Variants in TIMD4 observed in about 807,000 individuals in gnomAD.
TIMD4 encodes the protein T cell immunoglobulin and mucin domain containing 4.
In TIMD4, 31 loss-of-function variants were observed where a neutral mutation model predicts 41.2. That is an observed-to-expected ratio of 0.75 (90% confidence interval 0.57 to 1.01). The LOEUF (loss-of-function observed/expected upper bound fraction) is 1.01, where lower values mean the gene tolerates loss of function less well. Among genes scored for constraint, TIMD4 ranks in the 50% least tolerant of loss-of-function variants. The pLI is 0.00. For missense variants in TIMD4, 479 were observed against 472.5 expected (o/e 1.01, Z -0.13); for synonymous variants, 204 against 177.1 (o/e 1.15, Z -1.21).
chr5:156,944,073 AG>A (rs201205892), intron 5 of TIMD4, among the ~76,000 whole-genome samples: 2,141 of 148,972 alleles, frequency 0.014, 19 homozygotes, highest in African/African-American at 0.029. Flanking sequence ...AAAAAAAAAA[AG>A]AAATAAAGAA....
intron 5 of TIMD4, among the ~76,000 whole-genome samples, chr5:156,944,881 T>C (rs377527083): frequency 7.0e-4 from 107 of 152,224 alleles, no homozygotes; most frequent in African/African-American, 2.4e-3. Flanking sequence ...TCACTCTACA[T>C]CTCTGAGCTC....
chr5:156,927,393 G>A (rs1485014812), intron 5 of TIMD4, among the ~76,000 whole-genome samples: 2 of 152,234 alleles, frequency 1.3e-5, no homozygotes, highest in Non-Finnish European at 2.9e-5. Flanking sequence ...TGGTGCCCAT[G>A]TCAGATGGCA....
At position 156,919,506 on chromosome 5, in the gene TIMD4, T is replaced by C. The variant is rs761157093; in HGVS notation, c.1088A>G (p.Asn363Ser). Residue 363 changes from asparagine to serine, a missense_variant, in exon 9 of 9, where the codon AAT (asparagine) becomes AGT (serine). Physicochemically the swap from Asn to Ser is conservative, Grantham distance 46 (BLOSUM62 1). Transcript: ENST00000274532. ...GTCTTCCCTTCCATGCTGCACGTCATTGAGGACATTTTTACTATCTCCAAT... is the reference window on the plus strand; with the variant it reads ...GTCTTCCCTTCCATGCTGCACGTCACTGAGGACATTTTTACTATCTCCAAT... ...DYIGDSKNVL[N>S]DVQHGREDED... is the part of the protein sequence containing the mutation. The C allele has an allele frequency of 2.5e-6, 4 of 1,614,060 alleles. No homozygotes were observed. The highest frequency in any genetic ancestry group is 1.3e-5 in the African/African-American group (1 of 75,052).
chr5:156,929,297 G>A (rs143057342), intron 5 of TIMD4, among the ~76,000 whole-genome samples: 3 of 152,310 alleles, frequency 2.0e-5, no homozygotes, highest in African/African-American at 7.2e-5. Flanking sequence ...GACAAAGGCA[G>A]GAGCCTCCCA....
chr5:156,951,914 T>C (rs1342653722), intron 2 of TIMD4, 124 bp from the exon 3 acceptor site: 1 of 1,296,128 alleles, frequency 7.7e-7, no homozygotes, highest in Non-Finnish European at 1.1e-6. Flanking sequence ...TGGACGATTG[T>C]AATGCCCAAT....
intron 5 of TIMD4, among the ~76,000 whole-genome samples, chr5:156,936,516 T>C (rs1388329090): frequency 6.6e-6 from 1 of 152,004 alleles, no homozygotes; most frequent in South Asian, 2.1e-4. Flanking sequence ...AGTTGCATAG[T>C]AGGAAGGGAC....
chr5:156,929,877 G>A (rs570413063), intron 5 of TIMD4, among the ~76,000 whole-genome samples: 1 of 152,312 alleles, frequency 6.6e-6, no homozygotes, highest in African/African-American at 2.4e-5. Flanking sequence ...GCTGAGCACA[G>A]GTAAGAAGAC....
At position 156,954,439 on chromosome 5, in the gene TIMD4, T is replaced by C; in HGVS notation, c.376A>G (p.Asn126Asp). The part of the protein sequence containing the change: ...VPGWFNDVKI[N>D]VRLNLQRAST... Reference sequence around the variant, plus strand: ...CCTCTCTGTAGATTCAGGCGCACGTTTATCTTTACATCGTTGAACCAGCCA... The same window carrying C: ...CCTCTCTGTAGATTCAGGCGCACGTCTATCTTTACATCGTTGAACCAGCCA... The change falls in exon 2 of 9, where the codon AAC (asparagine) becomes GAC (aspartate). Residue 126 changes from asparagine (N) to aspartate (D), a missense_variant. Asn to Asp is a conservative substitution (Grantham distance 23). Coordinates refer to ENST00000274532, the MANE Select transcript of TIMD4 (RefSeq NM_138379.3). The C allele has an allele frequency of 3.1e-6, 5 of 1,614,084 alleles. No individual in the cohort carries two copies. The highest frequency in any genetic ancestry group is 4.2e-6 in the Non-Finnish European group (5 of 1,179,978).
chr5:156,958,305 GAAGGAAAGGA>G (rs66575156), intron 1 of TIMD4, among the ~76,000 whole-genome samples: 3,404 of 83,218 alleles, frequency 0.041, 67 homozygotes, highest in Middle Eastern at 0.063. Context: ...AAGAAAGAAA[GAAGGAAAGGA>G]AAGGAAAGGA....
chr5:156,919,706 G>A (rs575737915), intron 8 of TIMD4, among the ~76,000 whole-genome samples, 165 bp from the exon 9 acceptor site: 3 of 152,186 alleles, frequency 2.0e-5, no homozygotes, highest in African/African-American at 7.2e-5. Flanking sequence ...AGGCTGCAGG[G>A]GAAAAAGAGT....
chr5:156,931,199 A>C (rs1047364932), intron 5 of TIMD4, among the ~76,000 whole-genome samples: 5 of 152,240 alleles, frequency 3.3e-5, no homozygotes, highest in African/African-American at 1.2e-4. Context: ...TCCAGTATGA[A>C]TATAGCCCTG....
intron 3 of TIMD4, 83 bp downstream of exon 3, chr5:156,951,429 C>A: frequency 1.3e-6 from 2 of 1,536,912 alleles, no homozygotes; most frequent in East Asian, 2.3e-5. Flanking sequence ...CACTCACACA[C>A]ACACTGAGAG....
In TIMD4 at chr5:156,922,190, C is replaced by A; in HGVS notation, c.921G>T (p.Lys307Asn). ...GTAGTTGGGAGATGGGCATTTCATTCTTCATTGACATGGGTATTCCATCCA... is the reference window on the plus strand; with the variant it reads ...GTAGTTGGGAGATGGGCATTTCATTATTCATTGACATGGGTATTCCATCCA... ...GQMDGIPMSM[K>N]NEMPISQLLM... is the part of the protein sequence containing the mutation. The change falls in exon 7 of 9, where the codon AAG becomes AAT. Residue 307 changes from lysine (K) to asparagine (N), a missense_variant. Physicochemically the swap from Lys to Asn is moderately conservative, Grantham distance 94 (BLOSUM62 0). Transcript: ENST00000274532. 1.9e-6 allele frequency: 3 copies of A among 1,613,944 alleles called. No homozygotes were observed. The highest frequency in any genetic ancestry group is 2.5e-6 in the Non-Finnish European group (3 of 1,179,884).
chr5:156,919,625 A>G, intron 8 of TIMD4, 84 bp from the exon 9 acceptor site: 1 of 1,121,888 alleles, frequency 8.9e-7, no homozygotes, highest in East Asian at 2.4e-5. Flanking sequence ...TTACAGTGCA[A>G]TTACCCTTAA....
At chr5:156,958,763 C>G (rs866492762) in intron 1 of TIMD4, among the ~76,000 whole-genome samples, 1 of 152,134 alleles carries the variant, frequency 6.6e-6, no homozygotes, top group Non-Finnish European at 1.5e-5. Context: ...TTTATTGCAG[C>G]CTCCATGTAT....
chr5:156,954,277 A>G (rs1250475348), intron 2 of TIMD4, 138 bp downstream of exon 2: 1 of 855,894 alleles, frequency 1.2e-6, no homozygotes, highest in Non-Finnish European at 1.8e-6. Context: ...ACTTCAAACC[A>G]CGGCACTTTA....
chr5:156,954,810 T>C, intron 1 of TIMD4, 54 bp from the exon 2 acceptor site: 5 of 1,434,506 alleles, frequency 3.5e-6, no homozygotes, highest in Non-Finnish European at 4.7e-6. Flanking sequence ...CTCTCAAACA[T>C]GCTACACAGT....
chr5:156,937,825 C>G (rs1759567943), intron 5 of TIMD4, among the ~76,000 whole-genome samples: 1 of 152,158 alleles, frequency 6.6e-6, no homozygotes, highest in African/African-American at 2.4e-5. Flanking sequence ...TCCTTTATCC[C>G]CCAGCCGGGC....
intron 3 of TIMD4, 80 bp downstream of exon 3, chr5:156,951,432 A>G (rs117276925): frequency 1.3e-6 from 2 of 1,548,064 alleles, no homozygotes; most frequent in African/African-American, 1.4e-5. Context: ...TCACACACAC[A>G]CTGAGAGAGA....
Sources: allele counts gnomAD v4.1 joint callset (sites outside exome capture counted in the v4.1 genomes callset), GRCh38; gene constraint gnomAD v4.1.1; transcripts MANE v1.5; gene names NCBI Gene and HGNC (gene_info 2026-07-23, HGNC 2026-07-21).